Variants in HOOK3 observed in about 807,000 individuals in gnomAD.
The protein encoded by HOOK3 is hook microtubule tethering protein 3, also known as protein Hook homolog 3.
A neutral mutation model predicts 116.3 loss-of-function variants in HOOK3; 24 were observed. The ratio of observed to expected loss-of-function variants is 0.21; its 90% CI spans 0.15 to 0.29. The LOEUF is 0.29. Ranked by LOEUF, HOOK3 falls within the 10% of genes least tolerant of loss-of-function variation. The probability of loss-of-function intolerance (pLI) is 1.00; values close to 1 mark genes in which losing one functional copy is unlikely to be tolerated. For synonymous variants in HOOK3, 275 were observed against 283.0 expected (o/e 0.97, Z 0.28); for missense variants, 632 against 830.2 (o/e 0.76, Z 2.93).
At chr8:43,002,883 G>A (rs1341235189) in intron 17 of HOOK3, among the ~76,000 whole-genome samples, 1 of 152,158 alleles carries the variant, frequency 6.6e-6, no homozygotes, top group East Asian at 1.9e-4. Context: ...GTCTATAAAA[G>A]CTTGTCAGTA....
chr8:42,908,784 G>A (rs1232110297), intron 2 of HOOK3, among the ~76,000 whole-genome samples: 1 of 152,092 alleles, frequency 6.6e-6, no homozygotes, highest in East Asian at 1.9e-4. Flanking sequence ...CCCCAAAACA[G>A]GCAACAAAAG....
chr8:42,927,392 G>A (rs1807789581), intron 3 of HOOK3, among the ~76,000 whole-genome samples: 1 of 151,786 alleles, frequency 6.6e-6, no homozygotes, highest in Non-Finnish European at 1.5e-5. Context: ...GAGTAGCTGG[G>A]ATTACAGGCG....
At chr8:42,917,823 T>C (rs1280451271) in intron 2 of HOOK3, among the ~76,000 whole-genome samples, 2 of 152,240 alleles carry the variant, frequency 1.3e-5, no homozygotes, top group African/African-American at 4.8e-5. Context: ...ATCTATCCAT[T>C]ATGTACCTGT....
At position 43,005,093 on chromosome 8, in the gene HOOK3, C is replaced by A. The variant is rs553748057; in HGVS notation, c.1656-2754C>A. 4.7e-3 allele frequency among the ~76,000 whole-genome samples: 714 copies of A among 151,196 alleles called. 10 individuals carry two copies. The highest frequency in any genetic ancestry group is 0.017 in the African/African-American group (680 of 41,194). On this transcript the variant is annotated intron_variant, in intron 17 of 21. Coordinates refer to ENST00000307602, the MANE Select transcript of HOOK3 (RefSeq NM_032410.4). ...GGCTAATACATCAACACAGATGAACCTCAAGAACATAGTGTTTAGTGAAAG... is the reference window on the plus strand; with the variant it reads ...GGCTAATACATCAACACAGATGAACATCAAGAACATAGTGTTTAGTGAAAG...
intron 21 of HOOK3, among the ~76,000 whole-genome samples, chr8:43,015,079 G>T (rs531770310): frequency 6.6e-6 from 1 of 151,974 alleles, no homozygotes; most frequent in Non-Finnish European, 1.5e-5. Flanking sequence ...CCCGGGAGGC[G>T]GAAGTTGGGA....
intron 4 of HOOK3, among the ~76,000 whole-genome samples, chr8:42,938,966 G>T (rs953736136): frequency 1.3e-5 from 2 of 152,092 alleles, no homozygotes; most frequent in Non-Finnish European, 2.9e-5. Context: ...AGCACATCTT[G>T]CACCGCCCTT....
chr8:42,964,821 TG>T (rs1808602072), intron 9 of HOOK3, among the ~76,000 whole-genome samples: 1 of 150,600 alleles, frequency 6.6e-6, no homozygotes, highest in South Asian at 2.1e-4. Context: ...AACGCGACTT[TG>T]TCTCAAAAAA....
In HOOK3 at chr8:43,026,609, A is replaced by T. The variant is rs1041590253; in HGVS notation, c.*8111A>T. 1.8e-5 allele frequency: 4 copies of T among 218,956 alleles called. No homozygotes were observed. The highest frequency in any genetic ancestry group is 3.7e-5 in the Non-Finnish European group (4 of 109,152). 13.6% of individuals were successfully genotyped at this position (218,956 alleles called of 1,614,324 possible). ...AAGTTGTATTCATAAAAATTATCCC[A>T]TCTTACAGTTAATCAGAAGATGTTC... On this transcript the variant is annotated 3_prime_UTR_variant, in exon 22 of 22. Transcript: ENST00000307602.
chr8:42,901,867 C>T (rs1378637460), intron 1 of HOOK3, among the ~76,000 whole-genome samples: 1 of 152,082 alleles, frequency 6.6e-6, no homozygotes, highest in African/African-American at 2.4e-5. Flanking sequence ...CACCACCACG[C>T]CCGGCTAATT....
chr8:42,987,181 A>G (rs1251571833), intron 15 of HOOK3, among the ~76,000 whole-genome samples: 1 of 152,146 alleles, frequency 6.6e-6, no homozygotes, highest in African/African-American at 2.4e-5. Flanking sequence ...AAACAAACAA[A>G]AAAACCAACA....
At chr8:42,924,268 CCT>C (rs1807719380) in intron 2 of HOOK3, among the ~76,000 whole-genome samples, 1 of 152,004 alleles carries the variant, frequency 6.6e-6, no homozygotes, top group African/African-American at 2.4e-5. Flanking sequence ...AATTTCAAAA[CCT>C]GTAAAATGGG....
chr8:42,947,297 A>G (rs1317005309), intron 5 of HOOK3, among the ~76,000 whole-genome samples: 1 of 152,228 alleles, frequency 6.6e-6, no homozygotes, highest in Non-Finnish European at 1.5e-5. Context: ...GATTGATATC[A>G]GATAATAACT....
At chr8:42,964,228 A>T in intron 8 of HOOK3, 83 bp from the exon 9 acceptor site, 1 of 1,389,012 alleles carries the variant, frequency 7.2e-7, no homozygotes, top group Non-Finnish European at 1.0e-6. Context: ...ATAGGCTTTA[A>T]TTTGTAATGG....
At position 42,918,529 on chromosome 8, in the gene HOOK3, C is replaced by T. The variant is rs536038035; in HGVS notation, c.144-7028C>T. On this transcript the variant is annotated intron_variant, in intron 2 of 21. Coordinates refer to ENST00000307602, the MANE Select transcript of HOOK3 (RefSeq NM_032410.4). ...AGTGGAGGGAAGGTCAACAGATAAA[C>T]ATGTGAACAAAGGTCTCTGGTTTTC... Among the ~76,000 whole-genome samples the T allele has an allele frequency of 1.3e-4, 20 of 152,126 alleles. No individual in the cohort carries two copies. The East Asian group carries it at 3.5e-3, about 26-fold the overall frequency.
chr8:42,994,386 T>C, intron 15 of HOOK3: 1 of 381,320 alleles, frequency 2.6e-6, no homozygotes, highest in South Asian at 2.0e-5. Flanking sequence ...GTTCATTCAG[T>C]GGCATCGTTA....
chr8:42,923,316 CT>C (rs777557313), intron 2 of HOOK3, among the ~76,000 whole-genome samples: 1 of 152,198 alleles, frequency 6.6e-6, no homozygotes, highest in Non-Finnish European at 1.5e-5. Flanking sequence ...AGTTTCACCC[CT>C]AGGCATATAC....
chr8:43,005,149 T>C (rs2130477925), intron 17 of HOOK3, among the ~76,000 whole-genome samples: 1 of 150,330 alleles, frequency 6.7e-6, no homozygotes, highest in Non-Finnish European at 1.5e-5. Flanking sequence ...TAATGATTAA[T>C]GTATAAAATT....
chr8:42,939,613 G>T (rs1365252029), intron 4 of HOOK3, among the ~76,000 whole-genome samples: 2 of 148,242 alleles, frequency 1.3e-5, no homozygotes, highest in Non-Finnish European at 3.0e-5. Context: ...GGCTGGCCGG[G>T]CGGGGGGCTG....
intron 15 of HOOK3, among the ~76,000 whole-genome samples, chr8:42,993,367 G>A (rs1359555024): frequency 3.9e-5 from 6 of 152,266 alleles, no homozygotes; most frequent in Middle Eastern, 3.4e-3. Context: ...GGCTGGTCTC[G>A]AACTCTTGAC....
Sources: allele counts gnomAD v4.1 joint callset (sites outside exome capture counted in the v4.1 genomes callset), GRCh38; gene constraint gnomAD v4.1.1; transcripts MANE v1.5; gene names NCBI Gene and HGNC (gene_info 2026-07-23, HGNC 2026-07-21).